The following GRM5 variants were observed in gnomAD, a reference collection of about 807,000 sequenced individuals.
GRM5 encodes glutamate metabotropic receptor 5, also known as metabotropic glutamate receptor 5.
Under a neutral mutation model 83.1 loss-of-function variants are expected in GRM5, and 19 were observed. The ratio of observed to expected loss-of-function variants is 0.23; its 90% CI spans 0.16 to 0.34. GRM5 has a LOEUF of 0.34. Ranked by LOEUF, GRM5 falls within the 10% of genes least tolerant of loss-of-function variation. GRM5 has a pLI of 1.00. For missense variants in GRM5, 1,160 were observed against 1,588.3 expected (o/e 0.73, Z 4.58); for synonymous variants, 675 against 633.6 (o/e 1.07, Z -0.98).
chr11:89,054,682 C>T (rs1261881114), intron 1 of GRM5, among the ~76,000 whole-genome samples: 1 of 151,868 alleles, frequency 6.6e-6, no homozygotes, highest in Admixed American at 6.6e-5. Context: ...GGAGACTGAA[C>T]GATTTTTTGA....
intron 3 of GRM5, among the ~76,000 whole-genome samples, chr11:88,664,379 T>A (rs1267964190): frequency 1.3e-5 from 2 of 152,160 alleles, no homozygotes; most frequent in Non-Finnish European, 2.9e-5. Flanking sequence ...GTACAGACTT[T>A]TTTTCCCTTG....
intron 2 of GRM5, among the ~76,000 whole-genome samples, chr11:89,020,274 T>C (rs1182219687): frequency 6.6e-6 from 1 of 152,222 alleles, no homozygotes; most frequent in Non-Finnish European, 1.5e-5. Flanking sequence ...CTCATGTTTA[T>C]AGCATCAAAA....
At chr11:88,771,050 A>G (rs1022685631) in intron 3 of GRM5, among the ~76,000 whole-genome samples, 1 of 152,120 alleles carries the variant, frequency 6.6e-6, no homozygotes, top group Non-Finnish European at 1.5e-5. Flanking sequence ...ACTTGATAAA[A>G]TCAGAAAACA....
chr11:88,694,196 G>T (rs1940850066), intron 3 of GRM5, among the ~76,000 whole-genome samples: 1 of 152,120 alleles, frequency 6.6e-6, no homozygotes, highest in African/African-American at 2.4e-5. Context: ...AATTAATTTT[G>T]GAATTTTAAG....
chr11:88,825,509 A>T (rs553945328), intron 3 of GRM5, among the ~76,000 whole-genome samples: 2 of 152,318 alleles, frequency 1.3e-5, no homozygotes, highest in East Asian at 3.9e-4. Context: ...TCAGCAAATC[A>T]ACATTTTCTA....
At chr11:88,952,976 CCT>C (rs1378607528) in intron 2 of GRM5, among the ~76,000 whole-genome samples, 5 of 152,054 alleles carry the variant, frequency 3.3e-5, no homozygotes, top group Admixed American at 2.0e-4. Flanking sequence ...AGGATTTTCC[CCT>C]CTCTTTTCTA....
chr11:89,032,020 G>C (rs1941273145), intron 2 of GRM5, among the ~76,000 whole-genome samples: 1 of 151,894 alleles, frequency 6.6e-6, no homozygotes, highest in Non-Finnish European at 1.5e-5. Context: ...CATAAATATT[G>C]CATACATATT....
chr11:88,569,177 G>T (rs1239884876), intron 7 of GRM5, among the ~76,000 whole-genome samples: 1 of 152,108 alleles, frequency 6.6e-6, no homozygotes, highest in Non-Finnish European at 1.5e-5. Context: ...GTGTGACATG[G>T]GCATCAGGAT....
chr11:88,567,058 G>T lies in GRM5; in HGVS notation c.2625C>A (p.Thr875=). 6.2e-7 allele frequency: 1 copy of T among 1,601,636 alleles called. No homozygotes were observed. The highest frequency in any genetic ancestry group is 1.3e-5 in the African/African-American group (1 of 74,684). The change falls in exon 8 of 10, where the codon ACC becomes ACA. Residue 875 remains threonine, a synonymous_variant. Transcript: ENST00000305447. This position sits in a 1 kb window ranked among gnomAD's most constrained non-coding sequence, Gnocchi z 7.3. ...LWKRRGSSGE[T]LRYKDRRLAQ... is the part of the protein sequence containing the mutation. Reference sequence around the variant, plus strand: ...TAAGCCCCCACAACTTTTACCTTAAGGTTTCCCCAGAGGAGCCCCTTCTCT... The same window carrying T: ...TAAGCCCCCACAACTTTTACCTTAATGTTTCCCCAGAGGAGCCCCTTCTCT...
intron 8 of GRM5, among the ~76,000 whole-genome samples, chr11:88,528,882 A>C (rs11826538): frequency 0.13 from 19,953 of 152,056 alleles, 1,438 homozygotes; most frequent in Non-Finnish European, 0.16. Context: ...AGTAAGCCCA[A>C]CCTCATGTGG....
Position 88,504,998 on chromosome 11 carries a change from T to C in GRM5, c.*3594A>G, listed in dbSNP as rs1170199252. The C allele has an allele frequency of 6.6e-6, 1 of 152,166 alleles. No homozygotes were observed. The highest frequency in any genetic ancestry group is 1.5e-5 in the Non-Finnish European group (1 of 68,014). The allele number at this position is 152,166 out of a possible 1,614,324, so 9.4% of individuals were successfully genotyped here. ...CAACACCATCAGCAGCTGCCATTGATTTCTAGAAATACACACAATATACAT... is the reference window on the plus strand; with the variant it reads ...CAACACCATCAGCAGCTGCCATTGACTTCTAGAAATACACACAATATACAT... On this transcript the variant is annotated 3_prime_UTR_variant, in exon 10 of 10. Transcript: ENST00000305447.
intron 2 of GRM5, among the ~76,000 whole-genome samples, chr11:88,898,999 G>A (rs891002951): frequency 2.0e-5 from 3 of 151,844 alleles, no homozygotes; most frequent in Non-Finnish European, 1.5e-5. Flanking sequence ...GTATTCGAAC[G>A]AATCAAAGGG....
intron 7 of GRM5, among the ~76,000 whole-genome samples, chr11:88,576,580 CTA>C (rs1943115389): frequency 6.6e-6 from 1 of 152,054 alleles, no homozygotes; most frequent in African/African-American, 2.4e-5. Context: ...GCCTTTTACT[CTA>C]TGTCTCAATT....
intron 2 of GRM5, among the ~76,000 whole-genome samples, chr11:88,932,351 C>T (rs1414846498): frequency 6.6e-6 from 1 of 151,972 alleles, no homozygotes; most frequent in African/African-American, 2.4e-5. Flanking sequence ...AAATGCCTAA[C>T]AACAGTTTAT....
intron 3 of GRM5, among the ~76,000 whole-genome samples, chr11:88,747,542 G>T (rs1942169185): frequency 6.6e-6 from 1 of 152,118 alleles, no homozygotes; most frequent in Admixed American, 6.6e-5. Context: ...ACAGTAAAGT[G>T]TAAGGACTAC....
intron 3 of GRM5, among the ~76,000 whole-genome samples, chr11:88,774,059 C>T (rs530056679): frequency 8.5e-5 from 13 of 152,284 alleles, no homozygotes; most frequent in African/African-American, 3.1e-4. Context: ...GCAATTTTCA[C>T]AATATTGATT....
chr11:88,809,599 G>C (rs913450904), intron 3 of GRM5, among the ~76,000 whole-genome samples: 1 of 151,986 alleles, frequency 6.6e-6, no homozygotes, highest in Non-Finnish European at 1.5e-5. Context: ...AAACAACCAA[G>C]TTAATGACTG....
chr11:88,597,152 C>A, intron 6 of GRM5, 32 bp downstream of exon 6: 1 of 1,434,604 alleles, frequency 7.0e-7, no homozygotes. Context: ...GAATTTACAA[C>A]AAAAATGAAA....
At chr11:88,536,149 A>T (rs1942124229) in intron 8 of GRM5, among the ~76,000 whole-genome samples, 1 of 152,220 alleles carries the variant, frequency 6.6e-6, no homozygotes. Context: ...AGCTCATAGT[A>T]CTGAAGCCTT....
Sources: gnomAD v4.1 joint callset for allele counts (sites outside exome capture counted in the v4.1 genomes callset) on GRCh38, gnomAD v4.1.1 for gene constraint, Gnocchi (gnomAD v3.1) non-coding constraint, MANE v1.5 for transcripts, NCBI Gene and HGNC (gene_info 2026-07-23, HGNC 2026-07-21) for gene names.